Variants in KLHL4 observed in about 807,000 individuals in gnomAD.
KLHL4 encodes kelch-like protein 4.
KLHL4 carries 17 observed loss-of-function variants against 45.8 expected under a neutral mutation model. That is an observed-to-expected ratio of 0.37 (90% CI 0.25 to 0.56). The LOEUF is 0.56. Ranked by LOEUF, KLHL4 falls within the 20% of genes least tolerant of loss-of-function variation. The probability of loss-of-function intolerance (pLI) is 0.79; values close to 1 mark genes in which losing one functional copy is unlikely to be tolerated. For missense variants in KLHL4, 544 were observed against 544.9 expected, an observed-to-expected ratio of 1.00 and a Z score of 0.02; for synonymous variants, 224 against 189.9, an observed-to-expected ratio of 1.18 and a Z score of -1.47.
At chrX:87,644,154 A>G (rs1923554089) in intron 9 of KLHL4, among the ~76,000 whole-genome samples, 2 of 111,230 alleles carry the variant, frequency 1.8e-5, no homozygotes, top group Admixed American at 9.6e-5. Flanking sequence ...TGAAAACCCT[A>G]AAGACTCCTC....
chrX:87,663,837 C>G (rs1245997732), intron 9 of KLHL4, among the ~76,000 whole-genome samples: 1 of 111,866 alleles, frequency 8.9e-6, no homozygotes, highest in Non-Finnish European at 1.9e-5. Context: ...CAGATGGAAA[C>G]TGAAATCAGA....
intron 9 of KLHL4, among the ~76,000 whole-genome samples, chrX:87,636,524 G>T: frequency 8.9e-6 from 1 of 111,829 alleles, no homozygotes; most frequent in East Asian, 2.8e-4. Context: ...GATAGCCGTA[G>T]CAATGTGAGC....
intron 9 of KLHL4, among the ~76,000 whole-genome samples, chrX:87,654,305 T>G (rs1404133416): frequency 9.0e-6 from 1 of 111,380 alleles, no homozygotes; most frequent in Non-Finnish European, 1.9e-5. Context: ...TCCACCTGCC[T>G]CACTATTCTG....
rs551508290 is a variant in KLHL4, at chrX:87,565,706, A to C, written c.422+47391A>C. Among the ~76,000 whole-genome samples, 265 of 68,159 alleles carry C rather than the reference A, an allele frequency of 3.9e-3. 2 individuals carry two copies. The South Asian group carries it at 0.054, about 14-fold the overall frequency. 59.2% of individuals were successfully genotyped at this position (68,159 alleles called of 115,157 possible). ...GTGCCAAAAAAAAAAAAAAAAAAAA[A>C]AAAAAAAGGAAATGAATTAGGGGAC... On this transcript the variant is annotated intron_variant, in intron 1 of 10. Coordinates refer to ENST00000373119, the MANE Select transcript of KLHL4 (RefSeq NM_019117.5).
chrX:87,553,770 G>T (rs770683187), intron 1 of KLHL4, among the ~76,000 whole-genome samples: 108 of 111,299 alleles, frequency 9.7e-4, no homozygotes, highest in African/African-American at 3.4e-3. Flanking sequence ...GACAACTTTT[G>T]TTTTTAAAAC....
intron 9 of KLHL4, among the ~76,000 whole-genome samples, chrX:87,638,307 A>G (rs745759541): frequency 4.7e-4 from 53 of 111,979 alleles, no homozygotes; most frequent in Non-Finnish European, 8.8e-4. Context: ...TGGCCTTGCT[A>G]GAGATCTAGA....
At chrX:87,551,760 C>T (rs897394342) in intron 1 of KLHL4, among the ~76,000 whole-genome samples, 1 of 111,376 alleles carries the variant, frequency 9.0e-6, no homozygotes, top group Non-Finnish European at 1.9e-5. Flanking sequence ...ATATTTACAG[C>T]CAACTGATCT....
intron 1 of KLHL4, among the ~76,000 whole-genome samples, chrX:87,586,687 A>C (rs1431049366): frequency 9.0e-6 from 1 of 111,268 alleles, no homozygotes; most frequent in Non-Finnish European, 1.9e-5. Flanking sequence ...AAAAATTTCA[A>C]ATAAGCAATC....
chrX:87,541,492 C>CAAA (rs34665491), intron 1 of KLHL4, among the ~76,000 whole-genome samples: 3 of 44,358 alleles, frequency 6.8e-5, no homozygotes, highest in Non-Finnish European at 1.1e-4. Flanking sequence ...CTCCATCTCA[C>CAAA]AAAAAAAAAA....
chrX:87,646,367 C>T (rs1230680564), intron 9 of KLHL4, among the ~76,000 whole-genome samples: 1 of 111,522 alleles, frequency 9.0e-6, no homozygotes, highest in Non-Finnish European at 1.9e-5. Flanking sequence ...ATACCACCAG[C>T]ATTCTTCACA....
At chrX:87,528,088 A>G (rs909196044) in intron 1 of KLHL4, among the ~76,000 whole-genome samples, 3 of 111,397 alleles carry the variant, frequency 2.7e-5, no homozygotes, top group Admixed American at 1.9e-4. Flanking sequence ...ATTTAAAATA[A>G]TGATTATAAG....
At chrX:87,592,402 A>G (rs1921701223) in intron 1 of KLHL4, among the ~76,000 whole-genome samples, 1 of 110,928 alleles carries the variant, frequency 9.0e-6, no homozygotes, top group South Asian at 3.8e-4. Context: ...GGATAATATG[A>G]TAATTCTATT....
chrX:87,622,241 G>A lies in KLHL4; in HGVS notation c.955G>A (p.Glu319Lys). Residue 319 changes from glutamate (E) to lysine (K), a missense_variant, in exon 5 of 11, where the codon GAA becomes AAA. Physicochemically the swap from Glu to Lys is moderately conservative, Grantham distance 56 (BLOSUM62 1). Transcript: ENST00000373119. ...CTTCATTGAGGTAATAAAAAACCAAGAATTCCTCCTGCTTCCAGCTAATGA... is the reference window on the plus strand; with the variant it reads ...CTTCATTGAGGTAATAAAAAACCAAAAATTCCTCCTGCTTCCAGCTAATGA... Reference protein sequence around the residue: ...EHFIEVIKNQEFLLLPANEIS... With the variant: ...EHFIEVIKNQKFLLLPANEIS... 1 of 1,208,858 alleles carries A rather than the reference G, an allele frequency of 8.3e-7. No homozygotes were observed. Among genetic ancestry groups the A allele is most frequent in the Non-Finnish European group, 1.1e-6 (1 of 893,177 alleles).
rs144999198 is a variant in KLHL4, at chrX:87,583,631, T to A, written c.423-30246T>A. ...ACCTAGCCCTGGCAGTATTCACATCTGCTAACTGAAGAGCCTTTGGTCCCT... is the reference window on the plus strand; with the variant it reads ...ACCTAGCCCTGGCAGTATTCACATCAGCTAACTGAAGAGCCTTTGGTCCCT... On this transcript the variant is annotated intron_variant, in intron 1 of 10. Transcript: ENST00000373119. Among the ~76,000 whole-genome samples the A allele has an allele frequency of 2.9e-4, 32 of 111,580 alleles. No homozygotes were observed. In the East Asian group the frequency reaches 9.2e-3, roughly 32 times the overall value.
At chrX:87,581,684 C>A (rs373370826) in intron 1 of KLHL4, among the ~76,000 whole-genome samples, 51 of 111,862 alleles carry the variant, frequency 4.6e-4, no homozygotes, top group South Asian at 2.6e-3. Context: ...ACAAAAAAAA[C>A]CAGAAAAACT....
At chrX:87,665,596 G>T (rs968556195) in intron 10 of KLHL4, among the ~76,000 whole-genome samples, 2 of 111,942 alleles carry the variant, frequency 1.8e-5, no homozygotes, top group African/African-American at 6.5e-5. Context: ...TGCTTTGCCA[G>T]TGATAGCCCT....
At chrX:87,661,386 C>G (rs1015341813) in intron 9 of KLHL4, among the ~76,000 whole-genome samples, 2 of 111,076 alleles carry the variant, frequency 1.8e-5, no homozygotes, top group African/African-American at 3.3e-5. Flanking sequence ...ATTAAATAAT[C>G]ATTTTTATTC....
At chrX:87,520,677 A>G (rs1930982897) in intron 1 of KLHL4, among the ~76,000 whole-genome samples, 1 of 112,221 alleles carries the variant, frequency 8.9e-6, no homozygotes, top group African/African-American at 3.2e-5. Flanking sequence ...GTGAGTATTC[A>G]TATACCAGTA....
intron 1 of KLHL4, among the ~76,000 whole-genome samples, chrX:87,582,840 AG>A (rs1164771747): frequency 1.8e-5 from 2 of 111,886 alleles, no homozygotes; most frequent in Non-Finnish European, 3.8e-5. Flanking sequence ...TATTGTGAAG[AG>A]CGGAAGAACA....
Sources: gnomAD v4.1 joint callset for allele counts (sites outside exome capture counted in the v4.1 genomes callset) on GRCh38, gnomAD v4.1.1 for gene constraint, MANE v1.5 for transcripts, NCBI Gene and HGNC (gene_info 2026-07-23, HGNC 2026-07-21) for gene names.